The following FAM83D variants were observed in gnomAD, a reference collection of about 807,000 sequenced individuals.
FAM83D encodes the protein protein FAM83D.
In FAM83D, 26 loss-of-function variants were observed where a neutral mutation model predicts 25.4. The ratio of observed to expected loss-of-function variants is 1.02; its 90% CI spans 0.75 to 1.42. FAM83D has a LOEUF of 1.42. Among genes scored for constraint, FAM83D ranks in the 40% most tolerant of loss-of-function variants. The probability of loss-of-function intolerance (pLI) is 0.00; values close to 1 mark genes in which losing one functional copy is unlikely to be tolerated. For missense variants in FAM83D, 740 were observed against 758.1 expected, an observed-to-expected ratio of 0.98 and a Z score of 0.28; for synonymous variants, 310 against 318.5, an observed-to-expected ratio of 0.97 and a Z score of 0.28.
At chr20:38,931,414 T>C (rs997324152) in intron 1 of FAM83D, among the ~76,000 whole-genome samples, 3 of 152,208 alleles carry the variant, frequency 2.0e-5, no homozygotes, top group Admixed American at 6.5e-5. Context: ...CTGGGAAAGA[T>C]AGAGCCAGAT....
chr20:38,933,697 G>C (rs2085667026), intron 1 of FAM83D, among the ~76,000 whole-genome samples: 1 of 152,124 alleles, frequency 6.6e-6, no homozygotes, highest in South Asian at 2.1e-4. Context: ...CAGTTCAGTG[G>C]CATTAAATAC....
rs1435630543 is a variant in FAM83D, at chr20:38,926,613, T to C, written c.171T>C (p.Ala57=). The change falls in exon 1 of 4, where the codon GCT becomes GCC. Residue 57 remains alanine (A), a synonymous_variant. Transcript: ENST00000619850. ...FAAFLRRERL[A]RFLNPDEVHA... is the part of the protein sequence containing the mutation. ...CCTTCCTGCGACGCGAGCGCCTGGC[T>C]CGTTTCCTGAACCCCGATGAGGTGC... 6.5e-7 allele frequency: 1 copy of C among 1,542,010 alleles called. No individual in the cohort carries two copies. The highest frequency in any genetic ancestry group is 1.9e-5 in the Admixed American group (1 of 51,566).
chr20:38,946,197 C>CAAAAAAA (rs56740383), intron 2 of FAM83D, among the ~76,000 whole-genome samples: 5 of 78,532 alleles, frequency 6.4e-5, no homozygotes, highest in Admixed American at 1.6e-4. Context: ...GACTCCACCT[C>CAAAAAAA]AAAAAAAAAA....
In FAM83D at chr20:38,951,856, C is replaced by T. The variant is rs1243934430; in HGVS notation, c.1094C>T (p.Ser365Phe). The T allele has an allele frequency of 6.2e-7, 1 of 1,614,216 alleles. No homozygotes were observed. The highest frequency in any genetic ancestry group is 1.7e-5 in the Admixed American group (1 of 60,034). Residue 365 changes from serine to phenylalanine, a missense_variant, in exon 4 of 4, where the codon TCC becomes TTC. Ser to Phe is a radical substitution (Grantham distance 155). Around this residue, in one of 3 missense-constraint regions of FAM83D, gnomAD observed 375 missense variants for 403.2 expected, o/e 0.93. Transcript: ENST00000619850. ...GAGCGCAAGCCCCATGACTGTGAGT[C>T]CTCTACTGTTAGTGAGGAAGACTAC... is the stretch of plus-strand genomic sequence containing the variant. Reference protein sequence around the residue: ...KAERKPHDCESSTVSEEDYFS... With the variant: ...KAERKPHDCEFSTVSEEDYFS...
intron 1 of FAM83D, among the ~76,000 whole-genome samples, chr20:38,936,476 A>G (rs1397568639): frequency 6.6e-6 from 1 of 152,044 alleles, no homozygotes; most frequent in Non-Finnish European, 1.5e-5. Flanking sequence ...AGCAAACACT[A>G]TGAGATAGGT....
intron 1 of FAM83D, among the ~76,000 whole-genome samples, chr20:38,940,017 G>A (rs571792935): frequency 1.3e-5 from 2 of 152,308 alleles, no homozygotes; most frequent in East Asian, 3.9e-4. Flanking sequence ...CAGAACTTTT[G>A]CCTTTAATTC....
At position 38,926,446 on chromosome 20, in the gene FAM83D, G is replaced by T. The variant is rs760027242; in HGVS notation, c.4G>T (p.Ala2Ser). ...GCTGTCGAGTCCGAGCGCCGCCATG[G>T]CTCTGCTGTCCGAGGGCCTGGACGA... M[A>S]LLSEGLDEVP... Residue 2 changes from alanine to serine, a missense_variant, in exon 1 of 4, where the codon GCT becomes TCT. Transcript: ENST00000619850. 24 of 1,598,702 alleles carry T rather than the reference G, an allele frequency of 1.5e-5. No homozygotes were observed. The East Asian group carries it at 3.4e-4, about 22-fold the overall frequency.
chr20:38,932,066 A>G (rs2085660905), intron 1 of FAM83D, among the ~76,000 whole-genome samples: 1 of 152,214 alleles, frequency 6.6e-6, no homozygotes, highest in African/African-American at 2.4e-5. Flanking sequence ...GCATTCTGCC[A>G]CACTGAATGA....
In FAM83D at chr20:38,926,582, T is replaced by C; in HGVS notation, c.140T>C (p.Phe47Ser). ...EELVAGGPEA[F>S]AAFLRRERLA... ...CTGGTGGCGGGCGGCCCCGAAGCCT[T>C]CGCGGCCTTCCTGCGACGCGAGCGC... The change falls in exon 1 of 4, where the codon TTC (phenylalanine) becomes TCC (serine). Residue 47 changes from phenylalanine (F) to serine (S), a missense_variant. Transcript: ENST00000619850. The C allele has an allele frequency of 6.4e-7, 1 of 1,554,778 alleles. No individual in the cohort carries two copies. Among genetic ancestry groups the C allele is most frequent in the Non-Finnish European group, 8.6e-7 (1 of 1,156,984 alleles).
chr20:38,943,168 G>A (rs1224869236), intron 2 of FAM83D, among the ~76,000 whole-genome samples: 1 of 152,022 alleles, frequency 6.6e-6, no homozygotes, highest in Non-Finnish European at 1.5e-5. Flanking sequence ...GGGATTACAG[G>A]TGCGTACCAC....
At chr20:38,944,705 C>T (rs2085719172) in intron 2 of FAM83D, among the ~76,000 whole-genome samples, 2 of 152,038 alleles carry the variant, frequency 1.3e-5, no homozygotes, top group South Asian at 2.1e-4. Context: ...TTTGGGAGGC[C>T]GAGGCGGGTG....
intron 1 of FAM83D, among the ~76,000 whole-genome samples, chr20:38,930,487 A>G (rs1015095602): frequency 6.6e-6 from 1 of 150,920 alleles, no homozygotes. Context: ...GTTGTTTGTT[A>G]TTATTTTTTT....
At position 38,941,949 on chromosome 20, in the gene FAM83D, T is replaced by G; in HGVS notation, c.484-10T>G. 2 of 1,613,560 alleles carry G rather than the reference T, an allele frequency of 1.2e-6. No individual in the cohort carries two copies. Among genetic ancestry groups the G allele is most frequent in the South Asian group, 1.1e-5 (1 of 91,036 alleles). On this transcript the variant is annotated splice_polypyrimidine_tract_variant and intron_variant, in intron 1 of 3. Coordinates refer to ENST00000619850, the MANE Select transcript of FAM83D (RefSeq NM_030919.3). ...AGCTTATCATGTGCTCTTCCCTGTTTCACCTGTAGGTGATTGCAGTGGTCA... is the reference window on the plus strand; with the variant it reads ...AGCTTATCATGTGCTCTTCCCTGTTGCACCTGTAGGTGATTGCAGTGGTCA...
chr20:38,935,515 T>A (rs1397634620), intron 1 of FAM83D, among the ~76,000 whole-genome samples: 1 of 152,216 alleles, frequency 6.6e-6, no homozygotes, highest in African/African-American at 2.4e-5. Context: ...CAATCATGAC[T>A]CACTGCAGCC....
intron 1 of FAM83D, among the ~76,000 whole-genome samples, chr20:38,938,144 G>T (rs1156854991): frequency 6.6e-6 from 1 of 152,160 alleles, no homozygotes; most frequent in Admixed American, 6.5e-5. Flanking sequence ...CCAAACAATG[G>T]AACAAATAGC....
At chr20:38,943,527 G>A (rs921443519) in intron 2 of FAM83D, among the ~76,000 whole-genome samples, 1 of 152,072 alleles carries the variant, frequency 6.6e-6, no homozygotes, top group Non-Finnish European at 1.5e-5. Context: ...TGCTGCTGCT[G>A]TTCATTTCTC....
chr20:38,951,742 G>A lies in FAM83D; in HGVS notation c.980G>A (p.Gly327Asp), dbSNP rs73908214. The A allele has an allele frequency of 4.0e-3, 6,393 of 1,614,102 alleles. 230 individuals are homozygous for A. The African/African-American group carries it at 0.076, about 19-fold the overall frequency. Residue 327 changes from glycine (G) to aspartate (D), a missense_variant, in exon 4 of 4, where the codon GGC (glycine) becomes GAC (aspartate). Gly to Asp is a moderately conservative substitution (Grantham distance 94, BLOSUM62 -1). Around this residue, in one of 3 missense-constraint regions of FAM83D, gnomAD observed 375 missense variants for 403.2 expected, o/e 0.93. Transcript: ENST00000619850. ...RKPQSKELTL[G>D]NLLRMRLARL... ...CCACAGTCCAAGGAGCTCACCCTGG[G>A]CAACCTGCTGCGGATGCGGCTGGCT...
Position 38,951,532 on chromosome 20 carries a change from C to A in FAM83D, c.777-7C>A, listed in dbSNP as rs554532026. 4.4e-5 allele frequency: 71 copies of A among 1,603,346 alleles called. No homozygotes were observed. In the African/African-American group the frequency reaches 9.3e-4, roughly 21 times the overall value. On this transcript the variant is annotated splice_polypyrimidine_tract_variant and splice_region_variant and intron_variant, in intron 3 of 3. Transcript: ENST00000619850. Reference sequence around the variant, plus strand: ...CAGCTGCTGTTTGTTTCTTTTTAATCTTTAAGTTTTACATGGACGGATGGC... The same window carrying A: ...CAGCTGCTGTTTGTTTCTTTTTAATATTTAAGTTTTACATGGACGGATGGC...
At chr20:38,943,443 T>G (rs532533062) in intron 2 of FAM83D, among the ~76,000 whole-genome samples, 85 of 152,330 alleles carry the variant, frequency 5.6e-4, no homozygotes, top group Non-Finnish European at 1.1e-3. Flanking sequence ...TGTCCACCAC[T>G]TCAAAGTAGT....
Sources: gnomAD v4.1 joint callset for allele counts (sites outside exome capture counted in the v4.1 genomes callset) on GRCh38, gnomAD v4.1.1 for gene constraint, gnomAD v4.1.1 regional missense constraint, MANE v1.5 for transcripts, NCBI Gene and HGNC (gene_info 2026-07-23, HGNC 2026-07-21) for gene names.